GPC6: variants seen among roughly 807,000 people sequenced by gnomAD.
GPC6 encodes glypican-6.
A neutral mutation model predicts 55.2 loss-of-function variants in GPC6; 14 were observed. The ratio of observed to expected loss-of-function variants is 0.25; its 90% CI spans 0.17 to 0.40. GPC6 has a LOEUF of 0.40. GPC6 is among the 10% of genes least tolerant of loss of function. The pLI is 1.00. For synonymous variants in GPC6, 278 were observed against 259.6 expected (o/e 1.07, Z -0.68); for missense variants, 641 against 708.5 (o/e 0.90, Z 1.08).
chr13:93,742,144 T>G (rs922107610), intron 2 of GPC6, among the ~76,000 whole-genome samples: 5 of 152,210 alleles, frequency 3.3e-5, no homozygotes. Flanking sequence ...TACTTTGTGG[T>G]GTCTATATTT....
chr13:93,407,434 G>A (rs183680827), intron 1 of GPC6, among the ~76,000 whole-genome samples: 6 of 152,134 alleles, frequency 3.9e-5, no homozygotes, highest in East Asian at 1.9e-4. Context: ...GGCTGAGACC[G>A]TGCCTGACTT....
chr13:93,820,880 A>G (rs1336614082), intron 2 of GPC6, among the ~76,000 whole-genome samples: 1 of 152,146 alleles, frequency 6.6e-6, no homozygotes, highest in African/African-American at 2.4e-5. Flanking sequence ...TACCGTGCAA[A>G]GGAATATAAA....
chr13:94,055,990 A>G (rs1380919365), intron 4 of GPC6, among the ~76,000 whole-genome samples: 28 of 152,106 alleles, frequency 1.8e-4, no homozygotes, highest in Non-Finnish European at 2.9e-5. Flanking sequence ...ACCACCTAAC[A>G]GGACTCTGAC....
At chr13:93,978,355 G>T (rs1880616822) in intron 3 of GPC6, among the ~76,000 whole-genome samples, 1 of 152,112 alleles carries the variant, frequency 6.6e-6, no homozygotes, top group African/African-American at 2.4e-5. Context: ...AATAGCCGAG[G>T]TTTTATATAT....
At chr13:93,497,415 C>T (rs2389005) in intron 1 of GPC6, among the ~76,000 whole-genome samples, 46,492 of 152,080 alleles carry the variant, frequency 0.31, 7,248 homozygotes, top group Admixed American at 0.34. Flanking sequence ...AGCATCAGCG[C>T]TTCTTACTGT....
intron 3 of GPC6, among the ~76,000 whole-genome samples, chr13:93,832,177 A>C (rs1424507941): frequency 1.5e-5 from 2 of 131,810 alleles, no homozygotes; most frequent in Non-Finnish European, 3.1e-5. Flanking sequence ...ACAATGTTTT[A>C]GATACCAAAG....
At chr13:94,048,359 T>A (rs2138749369) in intron 4 of GPC6, among the ~76,000 whole-genome samples, 1 of 152,104 alleles carries the variant, frequency 6.6e-6, no homozygotes, top group Admixed American at 6.6e-5. Context: ...GATTTTCCCA[T>A]ACTACTAGAG....
chr13:94,088,179 A>G (rs1345705890), intron 4 of GPC6, among the ~76,000 whole-genome samples: 2 of 152,176 alleles, frequency 1.3e-5, no homozygotes, highest in Non-Finnish European at 2.9e-5. Flanking sequence ...CTCTAGTTCA[A>G]TATTCACTAA....
intron 1 of GPC6, among the ~76,000 whole-genome samples, chr13:93,496,095 G>A (rs1566388132): frequency 6.6e-6 from 1 of 152,114 alleles, no homozygotes; most frequent in Non-Finnish European, 1.5e-5. Context: ...AAGCAAGCCT[G>A]GGCAATGGTT....
chr13:93,424,140 CAA>C (rs1404121761), intron 1 of GPC6, among the ~76,000 whole-genome samples: 1 of 152,096 alleles, frequency 6.6e-6, no homozygotes, highest in Non-Finnish European at 1.5e-5. Flanking sequence ...AAGTTTATCT[CAA>C]GAGAGAGAAA....
At chr13:94,309,382 G>A (rs1013964210) in intron 6 of GPC6, among the ~76,000 whole-genome samples, 9 of 151,994 alleles carry the variant, frequency 5.9e-5, no homozygotes, top group African/African-American at 1.9e-4. Context: ...AATGTGAACT[G>A]GTCGTTATGG....
intron 6 of GPC6, among the ~76,000 whole-genome samples, chr13:94,362,729 C>G (rs1387682622): frequency 6.6e-6 from 1 of 151,988 alleles, no homozygotes; most frequent in Admixed American, 6.6e-5. Context: ...AGGTACATGC[C>G]CAGAGCCTAG....
intron 4 of GPC6, among the ~76,000 whole-genome samples, chr13:94,238,178 A>G (rs1476914144): frequency 6.6e-6 from 1 of 152,154 alleles, no homozygotes. Context: ...CGGCTTTTAG[A>G]TGTCCTTCTA....
At chr13:93,433,918 G>C (rs1877467034) in intron 1 of GPC6, among the ~76,000 whole-genome samples, 5 of 152,200 alleles carry the variant, frequency 3.3e-5, no homozygotes, top group Admixed American at 3.3e-4. Context: ...CTGATGCAGT[G>C]AGTTCACGCT....
At chr13:94,202,211 C>T (rs1269479000) in intron 4 of GPC6, among the ~76,000 whole-genome samples, 2 of 152,136 alleles carry the variant, frequency 1.3e-5, no homozygotes, top group African/African-American at 4.8e-5. Context: ...CAGTCCTTTG[C>T]ATGTTTTAGC....
At chr13:94,383,126 G>A (rs1224854861) in intron 7 of GPC6, among the ~76,000 whole-genome samples, 1 of 152,116 alleles carries the variant, frequency 6.6e-6, no homozygotes, top group African/African-American at 2.4e-5. Flanking sequence ...GACCAGTGCT[G>A]TGGGGACTTG....
At chr13:93,866,691 G>A (rs570097468) in intron 3 of GPC6, among the ~76,000 whole-genome samples, 14 of 151,766 alleles carry the variant, frequency 9.2e-5, no homozygotes, top group Admixed American at 7.9e-4. Context: ...ACACACAGAA[G>A]GGAACAACAC....
chr13:93,555,397 G>T (rs1875406983), intron 2 of GPC6, among the ~76,000 whole-genome samples: 1 of 152,110 alleles, frequency 6.6e-6, no homozygotes, highest in African/African-American at 2.4e-5. Flanking sequence ...TAATAATGCT[G>T]CAGTGTTGTG....
At chr13:94,298,615 T>C (rs990609363) in intron 5 of GPC6, among the ~76,000 whole-genome samples, 7 of 152,228 alleles carry the variant, frequency 4.6e-5, no homozygotes, top group African/African-American at 1.4e-4. Flanking sequence ...CTATTTTGTG[T>C]GCAAGGTCCT....
Sources: gnomAD v4.1 joint callset for allele counts (sites outside exome capture counted in the v4.1 genomes callset) on GRCh38, gnomAD v4.1.1 for gene constraint, MANE v1.5 for transcripts, NCBI Gene and HGNC (gene_info 2026-07-23, HGNC 2026-07-21) for gene names.